The following RAB10 variants were observed in gnomAD, a reference collection of about 807,000 sequenced individuals.
RAB10 encodes ras-related protein Rab-10.
Under a neutral mutation model 25.7 loss-of-function variants are expected in RAB10, and 5 were observed. That is an observed-to-expected ratio of 0.19 (90% confidence interval 0.10 to 0.41). RAB10 has a LOEUF of 0.41. Among genes scored for constraint, RAB10 ranks in the 10% least tolerant of loss-of-function variants. The pLI is 1.00. For missense variants in RAB10, 103 were observed against 245.8 expected, an observed-to-expected ratio of 0.42 and a Z score of 3.89; for synonymous variants, 89 against 86.4, an observed-to-expected ratio of 1.03 and a Z score of -0.16.
intron 1 of RAB10, among the ~76,000 whole-genome samples, chr2:26,045,394 C>T: frequency 6.6e-6 from 1 of 152,246 alleles, no homozygotes; most frequent in South Asian, 2.1e-4. Flanking sequence ...CGCCCGCCAC[C>T]ACGCCCAGCT....
intron 3 of RAB10, among the ~76,000 whole-genome samples, chr2:26,125,197 T>A (rs1667881825): frequency 1.3e-5 from 2 of 152,162 alleles, no homozygotes; most frequent in Admixed American, 1.3e-4. Flanking sequence ...CCACAGTGAT[T>A]GCACCATTTT....
chr2:26,099,902 T>C (rs1559592942), intron 2 of RAB10, among the ~76,000 whole-genome samples: 1 of 152,128 alleles, frequency 6.6e-6, no homozygotes, highest in Admixed American at 6.5e-5. Flanking sequence ...TTTATACTTT[T>C]CAACATGACT....
intron 3 of RAB10, among the ~76,000 whole-genome samples, chr2:26,126,277 C>T (rs1324468621): frequency 1.3e-5 from 2 of 152,010 alleles, no homozygotes; most frequent in Non-Finnish European, 2.9e-5. Context: ...AATTTGACTC[C>T]CCCAGCTAAT....
At chr2:26,134,917 T>G (rs941530727) in intron 5 of RAB10, 21 bp from the exon 6 acceptor site, 1 of 1,584,908 alleles carries the variant, frequency 6.3e-7, no homozygotes, top group African/African-American at 1.3e-5. Context: ...ATGAGTTATT[T>G]TCCTTGTGTG....
upstream of RAB10, chr2:26,033,982 A>G (rs894835365): frequency 2.5e-6 from 1 of 397,556 alleles, no homozygotes; most frequent in East Asian, 3.6e-5. Flanking sequence ...GGAGCATTCC[A>G]CTCGCCACTT....
At chr2:26,133,800 A>G (rs1038278843) in intron 5 of RAB10, among the ~76,000 whole-genome samples, 3 of 151,836 alleles carry the variant, frequency 2.0e-5, no homozygotes, top group Admixed American at 6.6e-5. Flanking sequence ...CAGCCTCCCG[A>G]GTAGCTGGGA....
At position 26,050,236 on chromosome 2, in the gene RAB10, G is replaced by T. The variant is rs186768799; in HGVS notation, c.127+15501G>T. The stretch of plus-strand genomic sequence containing the variant: ...TGAATTCTTCCCTTTTCACTCAGTT[G>T]AGTGTTTGACAAGGCATAGAGTTCT... On this transcript the variant is annotated intron_variant, in intron 1 of 5. Transcript: ENST00000264710. 2.0e-5 allele frequency among the ~76,000 whole-genome samples: 3 copies of T among 152,246 alleles called. No individual in the cohort carries two copies. The East Asian group carries it at 5.8e-4, about 29-fold the overall frequency.
chr2:26,106,877 T>A (rs1289032125), intron 2 of RAB10, among the ~76,000 whole-genome samples: 1 of 145,752 alleles, frequency 6.9e-6, no homozygotes, highest in African/African-American at 2.6e-5. Context: ...AGAGCAAGAC[T>A]CTGTCTCAAA....
intron 1 of RAB10, among the ~76,000 whole-genome samples, chr2:26,049,263 C>T (rs1666082140): frequency 6.6e-6 from 1 of 150,880 alleles, no homozygotes; most frequent in African/African-American, 2.4e-5. Context: ...AGGCCTTTTC[C>T]CCTCTCCTAA....
At chr2:26,085,851 T>C (rs1217773537) in intron 1 of RAB10, among the ~76,000 whole-genome samples, 1 of 148,662 alleles carries the variant, frequency 6.7e-6, no homozygotes, top group African/African-American at 2.5e-5. Context: ...ACAAAAAAAT[T>C]AGCTGGGCAT....
chr2:26,090,931 C>CT, intron 1 of RAB10, among the ~76,000 whole-genome samples: 1 of 82,204 alleles, frequency 1.2e-5, no homozygotes, highest in African/African-American at 4.6e-5. Context: ...GAGACCCTGT[C>CT]TCCCCCCCCA....
At chr2:26,081,307 C>G (rs1666863793) in intron 1 of RAB10, among the ~76,000 whole-genome samples, 1 of 152,170 alleles carries the variant, frequency 6.6e-6, no homozygotes, top group Non-Finnish European at 1.5e-5. Context: ...AGTTTGTACT[C>G]CCTGATATGA....
At chr2:26,062,586 G>A (rs945551935) in intron 1 of RAB10, among the ~76,000 whole-genome samples, 3 of 152,054 alleles carry the variant, frequency 2.0e-5, no homozygotes, top group Non-Finnish European at 4.4e-5. Flanking sequence ...GCTGAGGCAC[G>A]AGAATTGCTT....
At chr2:26,072,367 G>GGATTTGGTGGCCTTTAAGGATAAT in intron 1 of RAB10, among the ~76,000 whole-genome samples, 2 of 152,024 alleles carry the variant, frequency 1.3e-5, no homozygotes, top group Admixed American at 6.6e-5. Flanking sequence ...AGTGAGCTGA[G>GGATTTGGTGGCCTTTAAGGATAAT]ATCAAATTAC....
intron 5 of RAB10, among the ~76,000 whole-genome samples, chr2:26,132,083 G>C (rs540426457): frequency 6.6e-6 from 1 of 152,304 alleles, no homozygotes; most frequent in East Asian, 1.9e-4. Flanking sequence ...GCCAAAGTCT[G>C]TCCTGAGGGT....
At chr2:26,053,095 G>T (rs375633289) in intron 1 of RAB10, among the ~76,000 whole-genome samples, 36 of 152,264 alleles carry the variant, frequency 2.4e-4, no homozygotes, top group African/African-American at 7.9e-4. Context: ...GAGAGAAGGG[G>T]TTAGAAAGAT....
intron 1 of RAB10, among the ~76,000 whole-genome samples, chr2:26,097,775 T>G (rs1667255047): frequency 6.6e-6 from 1 of 152,216 alleles, no homozygotes; most frequent in Non-Finnish European, 1.5e-5. Flanking sequence ...TCTGTCTACT[T>G]AAAGAAATCT....
chr2:26,126,023 T>C (rs1281172417), intron 3 of RAB10, among the ~76,000 whole-genome samples: 2 of 152,180 alleles, frequency 1.3e-5, no homozygotes, highest in Non-Finnish European at 2.9e-5. Context: ...TAGTTCAAGT[T>C]AATTTTTTTA....
intron 1 of RAB10, among the ~76,000 whole-genome samples, chr2:26,044,547 GTT>G (rs756777839): frequency 4.9e-5 from 7 of 142,378 alleles, no homozygotes; most frequent in Non-Finnish European, 3.1e-5. Flanking sequence ...TGGCTAATTA[GTT>G]TTTTTTTTTT....
Sources: gnomAD v4.1 joint callset for allele counts (sites outside exome capture counted in the v4.1 genomes callset) on GRCh38, gnomAD v4.1.1 for gene constraint, MANE v1.5 for transcripts, NCBI Gene and HGNC (gene_info 2026-07-23, HGNC 2026-07-21) for gene names.